ABRAXAS2: variants seen among roughly 807,000 people sequenced by gnomAD.
ABRAXAS2 encodes the protein BRISC complex subunit Abraxas 2.
ABRAXAS2 carries 23 observed loss-of-function variants against 49.0 expected under a neutral mutation model. The observed-to-expected ratio is 0.47, with a 90% CI of 0.34 to 0.66. The LOEUF (loss-of-function observed/expected upper bound fraction) is 0.66. ABRAXAS2 is among the 30% of genes least tolerant of loss of function. The pLI is 0.01. For missense variants in ABRAXAS2, 443 were observed against 511.9 expected, an observed-to-expected ratio of 0.87 and a Z score of 1.30; for synonymous variants, 168 against 180.2, an observed-to-expected ratio of 0.93 and a Z score of 0.54.
intron 7 of ABRAXAS2, among the ~76,000 whole-genome samples, chr10:124,830,598 C>T (rs1950926513): frequency 6.6e-6 from 1 of 152,188 alleles, no homozygotes; most frequent in African/African-American, 2.4e-5. Flanking sequence ...AAATCAGGGC[C>T]ACTGTGCACC....
chr10:124,815,065 G>A (rs972158738), intron 2 of ABRAXAS2: 3 of 152,212 alleles, frequency 2.0e-5, no homozygotes, highest in African/African-American at 4.8e-5. Flanking sequence ...GACCAACCAA[G>A]GTAAGGTTTA....
At chr10:124,816,512 C>A in intron 2 of ABRAXAS2, 64 bp from the exon 3 acceptor site, 2 of 1,160,826 alleles carry the variant, frequency 1.7e-6, no homozygotes, top group Non-Finnish European at 2.5e-6. Flanking sequence ...AAGTCCTGAG[C>A]TATTTTATAG....
chr10:124,802,129 C>T (rs1950708994), intron 1 of ABRAXAS2, among the ~76,000 whole-genome samples: 1 of 152,218 alleles, frequency 6.6e-6, no homozygotes, highest in Non-Finnish European at 1.5e-5. Context: ...GCTCGGCCGT[C>T]CCGGCACAGC....
rs549178403 is a variant in ABRAXAS2, at chr10:124,826,657, G to A, written c.330G>A (p.Gln110=). 1 of 1,614,204 alleles carries A rather than the reference G, an allele frequency of 6.2e-7. No homozygotes were observed. Among genetic ancestry groups the A allele is most frequent in the East Asian group, 2.2e-5 (1 of 44,886 alleles). Residue 110 remains glutamine (Q), a synonymous_variant, in exon 5 of 9, where the codon CAG becomes CAA. Transcript: ENST00000298492. ...AGCAGCAGATGTCCTACAGAGAGCA[G>A]GTTCTTCACAAGCAGCTCACCCGCA... ...NTQQQMSYRE[Q]VLHKQLTRIL...
rs528386746 is a variant in ABRAXAS2 at position 124,827,246 on chromosome 10, G to C, written c.458+461G>C. 3.4e-5 allele frequency among the ~76,000 whole-genome samples: 5 copies of C among 148,806 alleles called. No individual in the cohort carries two copies. The South Asian group carries it at 1.1e-3, about 32-fold the overall frequency. ...GCAATCTCGGCTCACTGCAACCTCT[G>C]CTTCCCAGGTTCAAGCGATTCTCTT... On this transcript the variant is annotated intron_variant, in intron 5 of 8. Transcript: ENST00000298492.
At chr10:124,806,021 C>G (rs1315944464) in intron 1 of ABRAXAS2, among the ~76,000 whole-genome samples, 2 of 152,168 alleles carry the variant, frequency 1.3e-5, no homozygotes, top group Non-Finnish European at 2.9e-5. Context: ...AAAGGTTCGG[C>G]TGGGCACGAT....
At chr10:124,833,161 AAAG>A (rs1376143414) in intron 8 of ABRAXAS2, among the ~76,000 whole-genome samples, 38 of 142,262 alleles carry the variant, frequency 2.7e-4, no homozygotes, top group South Asian at 4.4e-4. Flanking sequence ...AAAAAAAAAG[AAAG>A]AAAGAAAGAA....
chr10:124,810,091 G>A (rs1015787057), intron 2 of ABRAXAS2, among the ~76,000 whole-genome samples: 3 of 152,106 alleles, frequency 2.0e-5, no homozygotes, highest in African/African-American at 7.2e-5. Context: ...AAGCTCATCA[G>A]CTAGTGTTAG....
At chr10:124,818,367 G>GC (rs754230774) in intron 3 of ABRAXAS2, among the ~76,000 whole-genome samples, 8 of 148,952 alleles carry the variant, frequency 5.4e-5, no homozygotes, top group Non-Finnish European at 7.4e-5. Flanking sequence ...CTGCACTCCA[G>GC]CCTGGGTGAC....
At chr10:124,828,914 A>G in intron 6 of ABRAXAS2, 39 bp downstream of exon 6, 4 of 1,599,416 alleles carry the variant, frequency 2.5e-6, no homozygotes, top group Non-Finnish European at 3.4e-6. Flanking sequence ...TTCTTTTGTC[A>G]GCAATATTTC....
intron 4 of ABRAXAS2, among the ~76,000 whole-genome samples, chr10:124,823,507 C>T (rs950258552): frequency 6.6e-6 from 1 of 152,170 alleles, no homozygotes; most frequent in Non-Finnish European, 1.5e-5. Context: ...TCGTGCTTTC[C>T]GGAAGCTCTG....
chr10:124,805,201 C>T (rs1201434219), intron 1 of ABRAXAS2, among the ~76,000 whole-genome samples: 1 of 151,822 alleles, frequency 6.6e-6, no homozygotes, highest in Non-Finnish European at 1.5e-5. Flanking sequence ...GGCGCGGTGG[C>T]GGGCGCCTGT....
intron 2 of ABRAXAS2, among the ~76,000 whole-genome samples, chr10:124,810,687 A>G (rs1950781134): frequency 6.7e-6 from 1 of 150,268 alleles, no homozygotes; most frequent in Middle Eastern, 3.2e-3. Flanking sequence ...GGTTCGAGTG[A>G]TTGTCCTGCT....
At chr10:124,810,743 C>A (rs901857035) in intron 2 of ABRAXAS2, among the ~76,000 whole-genome samples, 2 of 151,376 alleles carry the variant, frequency 1.3e-5, no homozygotes, top group East Asian at 3.9e-4. Flanking sequence ...CCACCACTCC[C>A]AGCTAATTTT....
intron 1 of ABRAXAS2, 22 bp from the exon 2 acceptor site, chr10:124,806,806 AATT>A: frequency 7.0e-7 from 1 of 1,437,810 alleles, no homozygotes; most frequent in African/African-American, 1.4e-5. Context: ...TTTAGTCTGC[AATT>A]ATTTTCTTTA....
chr10:124,818,321 G>A (rs186657858), intron 3 of ABRAXAS2, among the ~76,000 whole-genome samples: 1 of 151,728 alleles, frequency 6.6e-6, no homozygotes, highest in Admixed American at 6.6e-5. Flanking sequence ...GCATGAACCT[G>A]GGAGGTGGAG....
At chr10:124,825,172 G>T (rs2134169320) in intron 4 of ABRAXAS2, among the ~76,000 whole-genome samples, 1 of 152,010 alleles carries the variant, frequency 6.6e-6, no homozygotes, top group South Asian at 2.1e-4. Context: ...AAATAAATTA[G>T]CCAGGCGCGG....
At chr10:124,821,036 C>T (rs1363943631) in intron 4 of ABRAXAS2, among the ~76,000 whole-genome samples, 2 of 151,850 alleles carry the variant, frequency 1.3e-5, no homozygotes, top group African/African-American at 4.8e-5. Flanking sequence ...ACCTCAGCCC[C>T]CCAAGTAGCT....
Position 124,831,451 on chromosome 10 carries a change from G to A in ABRAXAS2, c.766G>A (p.Glu256Lys), listed in dbSNP as rs1160325007. 11 of 1,558,514 alleles carry A rather than the reference G, an allele frequency of 7.1e-6. No homozygotes were observed. The highest frequency in any genetic ancestry group is 9.7e-6 in the Non-Finnish European group (11 of 1,133,060). ...AATCACTCAGAGGAAAAATGAAAAG[G>A]AACAAGAAAGAAGTAAGTTTCTTAT... ...RQITQRKNEK[E>K]QERRLQQAVL... Residue 256 changes from glutamate to lysine, a missense_variant, in exon 8 of 9, where the codon GAA becomes AAA. Around this residue, in one of 3 missense-constraint regions of ABRAXAS2, gnomAD observed 230 missense variants for 237.0 expected, o/e 0.97. Transcript: ENST00000298492.
Sources: gnomAD v4.1 joint callset for allele counts (sites outside exome capture counted in the v4.1 genomes callset) on GRCh38, gnomAD v4.1.1 for gene constraint, gnomAD v4.1.1 regional missense constraint, MANE v1.5 for transcripts, NCBI Gene and HGNC (gene_info 2026-07-23, HGNC 2026-07-21) for gene names.